UGGT2: variants seen among roughly 807,000 people sequenced by gnomAD.
The protein encoded by UGGT2 is UDP-glucose glycoprotein glucosyltransferase 2, also known as UDP-glucose:glycoprotein glucosyltransferase 2.
A neutral mutation model predicts 192.1 loss-of-function variants in UGGT2; 180 were observed. The ratio of observed to expected loss-of-function variants is 0.94; its 90% CI spans 0.83 to 1.06. UGGT2 has a LOEUF of 1.06. Among genes scored for constraint, UGGT2 ranks in the 50% least tolerant of loss-of-function variants. The pLI is 0.00. For synonymous variants in UGGT2, 580 were observed against 591.0 expected, an observed-to-expected ratio of 0.98 and a Z score of 0.27; for missense variants, 1,849 against 1,795.7, an observed-to-expected ratio of 1.03 and a Z score of -0.54.
chr13:95,990,985 G>A (rs2051440312), intron 7 of UGGT2: 1 of 152,174 alleles, frequency 6.6e-6, no homozygotes. Flanking sequence ...TTGGTTTTCT[G>A]TTCCTGTGTT....
At chr13:95,904,023 T>C (rs955541954) in intron 20 of UGGT2, among the ~76,000 whole-genome samples, 6 of 152,156 alleles carry the variant, frequency 3.9e-5, no homozygotes, top group African/African-American at 1.4e-4. Flanking sequence ...TCAATCTGCT[T>C]CCAGTATTTT....
At chr13:95,883,174 G>A (rs2047542232) in intron 27 of UGGT2, among the ~76,000 whole-genome samples, 1 of 152,072 alleles carries the variant, frequency 6.6e-6, no homozygotes, top group Non-Finnish European at 1.5e-5. Flanking sequence ...CCACATACGA[G>A]CCGATCAAAA....
At chr13:95,952,129 T>G (rs186746097) in intron 12 of UGGT2, among the ~76,000 whole-genome samples, 74 of 152,086 alleles carry the variant, frequency 4.9e-4, no homozygotes, top group Admixed American at 1.0e-3. Flanking sequence ...GGAAAAAATG[T>G]TATTCTCTTA....
At chr13:95,997,759 T>G (rs1331677250) in intron 6 of UGGT2, among the ~76,000 whole-genome samples, 8 of 152,196 alleles carry the variant, frequency 5.3e-5, no homozygotes, top group Non-Finnish European at 1.0e-4. Flanking sequence ...TCATAAAGAC[T>G]TCCCATGGAG....
At position 95,877,345 on chromosome 13, in the gene UGGT2, G is replaced by A. The variant is rs761525122; in HGVS notation, c.3407C>T (p.Ala1136Val). 1 of 1,604,982 alleles carries A rather than the reference G, an allele frequency of 6.2e-7. No homozygotes were observed. Among genetic ancestry groups the A allele is most frequent in the East Asian group, 2.2e-5 (1 of 44,674 alleles). The change falls in exon 29 of 39, where the codon GCA (alanine) becomes GTA (valine). Residue 1136 changes from alanine to valine, a missense_variant. Physicochemically the swap from Ala to Val is moderately conservative, Grantham distance 64 (BLOSUM62 0). Transcript: ENST00000376747. ...MAHHGYFQLK[A>V]NPGAWILRLH... Reference sequence around the variant, plus strand: ...CCTCAGTATCCAAGCACCTGGGTTTGCTTTTAATTGAAAATACCCCTTTTA... The same window carrying A: ...CCTCAGTATCCAAGCACCTGGGTTTACTTTTAATTGAAAATACCCCTTTTA...
intron 20 of UGGT2, among the ~76,000 whole-genome samples, chr13:95,903,792 C>T (rs1253640441): frequency 2.0e-5 from 3 of 152,066 alleles, no homozygotes; most frequent in African/African-American, 7.2e-5. Context: ...TCAGAAGATG[C>T]TAAATAGTTT....
At chr13:95,818,059 C>A (rs1377210586) in intron 38 of UGGT2, among the ~76,000 whole-genome samples, 5 of 152,138 alleles carry the variant, frequency 3.3e-5, no homozygotes, top group South Asian at 2.1e-4. Flanking sequence ...ATTATCCCAA[C>A]GTTTTGGGAG....
At chr13:95,908,213 G>A (rs1186748630) in intron 20 of UGGT2, among the ~76,000 whole-genome samples, 1 of 152,112 alleles carries the variant, frequency 6.6e-6, no homozygotes, top group Non-Finnish European at 1.5e-5. Flanking sequence ...AGACTAAAAA[G>A]AAACAAACAA....
intron 29 of UGGT2, among the ~76,000 whole-genome samples, chr13:95,876,405 G>C (rs545173775): frequency 1.3e-5 from 2 of 152,188 alleles, no homozygotes; most frequent in Non-Finnish European, 2.9e-5. Context: ...CCTGGTGGTG[G>C]GGTAGGCCTG....
At chr13:96,045,287 C>T (rs113716620) in intron 1 of UGGT2, among the ~76,000 whole-genome samples, 1 of 152,080 alleles carries the variant, frequency 6.6e-6, no homozygotes, top group African/African-American at 2.4e-5. Flanking sequence ...ATCAAGCACC[C>T]CTTTATGATT....
At chr13:96,011,593 C>T (rs1489637801) in intron 5 of UGGT2, among the ~76,000 whole-genome samples, 1 of 152,068 alleles carries the variant, frequency 6.6e-6, no homozygotes, top group Non-Finnish European at 1.5e-5. Context: ...TGTACAGCCA[C>T]TTTGAGAGAC....
chr13:95,854,210 T>C (rs61972891), intron 35 of UGGT2, 105 bp downstream of exon 35: 35,728 of 1,316,630 alleles, frequency 0.027, 555 homozygotes, highest in Non-Finnish European at 0.03. Context: ...TTGGTTGCTT[T>C]TATTGTGTAA....
intron 29 of UGGT2, among the ~76,000 whole-genome samples, chr13:95,874,763 C>T (rs908339771): frequency 6.6e-6 from 1 of 152,038 alleles, no homozygotes; most frequent in African/African-American, 2.4e-5. Flanking sequence ...ATGACCATGG[C>T]TCACTGCAGT....
At chr13:95,967,057 A>G (rs2050603287) in intron 12 of UGGT2, among the ~76,000 whole-genome samples, 1 of 152,170 alleles carries the variant, frequency 6.6e-6, no homozygotes, top group Non-Finnish European at 1.5e-5. Flanking sequence ...TTTGGCCACA[A>G]AGCTTTTTTT....
At chr13:96,044,142 G>A (rs1432902463) in intron 1 of UGGT2, among the ~76,000 whole-genome samples, 1 of 152,064 alleles carries the variant, frequency 6.6e-6, no homozygotes, top group Admixed American at 6.5e-5. Context: ...ATAAATTTAA[G>A]AAAACTGACA....
chr13:95,991,345 T>C (rs2051452313), intron 7 of UGGT2: 1 of 382,310 alleles, frequency 2.6e-6, no homozygotes, highest in Admixed American at 3.1e-5. Context: ...ACACCAACAG[T>C]GTAAAAGCCT....
intron 1 of UGGT2, among the ~76,000 whole-genome samples, chr13:96,048,820 G>C (rs1263781061): frequency 6.6e-6 from 1 of 152,092 alleles, no homozygotes; most frequent in African/African-American, 2.4e-5. Flanking sequence ...CCAATAACAG[G>C]CTCTGAAATT....
Position 95,903,129 on chromosome 13 carries a change from T to C in UGGT2, c.2296-69A>G, listed in dbSNP as rs890100426. 340 of 1,463,992 alleles carry C rather than the reference T, an allele frequency of 2.3e-4. 1 individual carries two copies. In the Middle Eastern group the frequency reaches 3.3e-3, roughly 14 times the overall value. The allele number at this position is 1,463,992 out of a possible 1,614,324, so 90.7% of individuals were successfully genotyped here. A position where few individuals can be genotyped will look rare whatever the true frequency, so the allele number is the denominator to read the frequency against. The stretch of plus-strand genomic sequence containing the variant: ...TCATTTTACAGGTGAATATATTTTC[T>C]TTCCCATCCAGTTTGTTCACTGTAT... On this transcript the variant is annotated intron_variant, in intron 20 of 38. Coordinates refer to ENST00000376747, the MANE Select transcript of UGGT2 (RefSeq NM_020121.4).
At chr13:95,923,340 C>G (rs1398225341) in intron 20 of UGGT2, among the ~76,000 whole-genome samples, 1 of 150,440 alleles carries the variant, frequency 6.6e-6, no homozygotes. Context: ...ATTACAGGCA[C>G]GAGCCACCAT....
Sources: allele counts gnomAD v4.1 joint callset (sites outside exome capture counted in the v4.1 genomes callset), GRCh38; gene constraint gnomAD v4.1.1; transcripts MANE v1.5; gene names NCBI Gene and HGNC (gene_info 2026-07-23, HGNC 2026-07-21).